The following MAGI2 variants were observed in gnomAD, a reference collection of about 807,000 sequenced individuals.
MAGI2 encodes membrane associated guanylate kinase, WW and PDZ domain containing 2.
A neutral mutation model predicts 133.3 loss-of-function variants in MAGI2; 35 were observed. That is an observed-to-expected ratio of 0.26 (90% CI 0.20 to 0.35). The LOEUF (loss-of-function observed/expected upper bound fraction) is 0.35. Among genes scored for constraint, MAGI2 ranks in the 10% least tolerant of loss-of-function variants. The pLI is 1.00. For missense variants in MAGI2, 1,636 were observed against 1,863.4 expected (o/e 0.88, Z 2.25); for synonymous variants, 729 against 710.6 (o/e 1.03, Z -0.41).
At chr7:78,275,649 G>A (rs988452235) in intron 9 of MAGI2, among the ~76,000 whole-genome samples, 1 of 152,134 alleles carries the variant, frequency 6.6e-6, no homozygotes, top group African/African-American at 2.4e-5. Context: ...GTACAATAAA[G>A]AAAACAATGA....
intron 1 of MAGI2, among the ~76,000 whole-genome samples, chr7:79,066,551 G>A (rs1480514566): frequency 6.6e-6 from 1 of 151,890 alleles, no homozygotes; most frequent in Non-Finnish European, 1.5e-5. Context: ...CCTTTGCTGT[G>A]CAGAAGCTCC....
At chr7:79,208,016 C>T (rs1402186639) in intron 1 of MAGI2, among the ~76,000 whole-genome samples, 2 of 151,946 alleles carry the variant, frequency 1.3e-5, no homozygotes, top group African/African-American at 4.8e-5. Flanking sequence ...CTTTCTCTCA[C>T]ACCATATACA....
intron 2 of MAGI2, among the ~76,000 whole-genome samples, chr7:78,904,423 T>C (rs1797844383): frequency 6.6e-6 from 1 of 152,168 alleles, no homozygotes; most frequent in Non-Finnish European, 1.5e-5. Flanking sequence ...AAACTCTGTG[T>C]CCTCTAATAC....
chr7:78,970,420 A>G (rs1389259777), intron 2 of MAGI2, among the ~76,000 whole-genome samples: 3 of 152,066 alleles, frequency 2.0e-5, no homozygotes, highest in Admixed American at 1.3e-4. Flanking sequence ...CAGAATCATA[A>G]AGTCATTCTT....
At chr7:78,423,215 G>A (rs1237005719) in intron 6 of MAGI2, among the ~76,000 whole-genome samples, 1 of 152,116 alleles carries the variant, frequency 6.6e-6, no homozygotes, top group African/African-American at 2.4e-5. Flanking sequence ...ATCTTCTCGT[G>A]ATAGCGAATG....
rs750183886 is a variant in MAGI2 at position 78,125,982 on chromosome 7, A to G, written c.3424-145T>C. 3.8e-4 allele frequency: 320 copies of G among 840,324 alleles called. 2 individuals carry two copies. Among genetic ancestry groups the G allele is most frequent in the Non-Finnish European group, 5.6e-4 (305 of 549,234 alleles). The allele number at this position is 840,324 out of a possible 1,614,324, so 52.1% of individuals were successfully genotyped here. A position where few individuals can be genotyped will look rare whatever the true frequency, so the allele number is the denominator to read the frequency against. On this transcript the variant is annotated intron_variant, in intron 19 of 21. Coordinates refer to ENST00000354212, the MANE Select transcript of MAGI2 (RefSeq NM_012301.4). ...GGGAGAAGTCGTAATCTGGCTTCATAAACTACCCAAATGAAAGACAAAATT... is the reference window on the plus strand; with the variant it reads ...GGGAGAAGTCGTAATCTGGCTTCATGAACTACCCAAATGAAAGACAAAATT...
intron 10 of MAGI2, among the ~76,000 whole-genome samples, chr7:78,247,284 T>C (rs956731954): frequency 1.9e-4 from 29 of 151,980 alleles, no homozygotes; most frequent in East Asian, 1.9e-4. Flanking sequence ...TGAGACATCA[T>C]CGCAAATGTT....
At chr7:79,428,153 A>G (rs1165995781) in intron 1 of MAGI2, among the ~76,000 whole-genome samples, 1 of 152,184 alleles carries the variant, frequency 6.6e-6, no homozygotes, top group Non-Finnish European at 1.5e-5. Context: ...ACATGTGGAA[A>G]TGTCCAGAGA....
chr7:79,164,240 A>G (rs932426627), intron 1 of MAGI2, among the ~76,000 whole-genome samples: 1 of 151,974 alleles, frequency 6.6e-6, no homozygotes, highest in Non-Finnish European at 1.5e-5. Context: ...ACAAACCATG[A>G]ATTCTCATCT....
chr7:78,200,604 T>TAC (rs1000759961), intron 11 of MAGI2, among the ~76,000 whole-genome samples: 7 of 152,082 alleles, frequency 4.6e-5, no homozygotes, highest in Non-Finnish European at 1.0e-4. Flanking sequence ...CATATATATA[T>TAC]ACACAAAGAC....
intron 1 of MAGI2, among the ~76,000 whole-genome samples, chr7:79,154,792 T>C (rs1294462367): frequency 6.6e-6 from 1 of 152,202 alleles, no homozygotes; most frequent in African/African-American, 2.4e-5. Context: ...TTTTCTAACA[T>C]GGTACCTGTC....
At chr7:79,210,860 G>T (rs757841871) in intron 1 of MAGI2, among the ~76,000 whole-genome samples, 1 of 151,852 alleles carries the variant, frequency 6.6e-6, no homozygotes, top group Non-Finnish European at 1.5e-5. Flanking sequence ...ATGTCTAATT[G>T]GCATCATCCA....
chr7:78,255,627 C>T (rs935754493), intron 10 of MAGI2: 16 of 542,572 alleles, frequency 2.9e-5, no homozygotes, highest in Admixed American at 1.1e-4. Context: ...TCTCCATGAC[C>T]GATACATGAA....
chr7:79,433,010 G>T (rs1390900649), intron 1 of MAGI2, among the ~76,000 whole-genome samples: 1 of 152,184 alleles, frequency 6.6e-6, no homozygotes, highest in Non-Finnish European at 1.5e-5. Context: ...AAATGGCAAA[G>T]AAACAGACCA....
At chr7:79,021,816 G>A (rs1192229213) in intron 1 of MAGI2, among the ~76,000 whole-genome samples, 2 of 149,016 alleles carry the variant, frequency 1.3e-5, no homozygotes, top group East Asian at 4.0e-4. Flanking sequence ...TTTGGGAGGG[G>A]CCAGGGTGGA....
At chr7:78,101,525 A>G (rs769811898) in intron 20 of MAGI2, among the ~76,000 whole-genome samples, 2 of 152,220 alleles carry the variant, frequency 1.3e-5, no homozygotes, top group African/African-American at 4.8e-5. Context: ...TTGGACCCTT[A>G]TCATACACCA....
At chr7:79,025,505 T>G (rs1809797947) in intron 1 of MAGI2, among the ~76,000 whole-genome samples, 1 of 151,060 alleles carries the variant, frequency 6.6e-6, no homozygotes, top group South Asian at 2.1e-4. Context: ...CTAAAATAAG[T>G]TTTTTTAAAA....
intron 16 of MAGI2, among the ~76,000 whole-genome samples, chr7:78,142,501 T>C (rs1451276313): frequency 2.0e-5 from 3 of 152,212 alleles, no homozygotes; most frequent in Admixed American, 6.5e-5. Context: ...CTGTTAAGTA[T>C]ACTCTTACTT....
chr7:78,724,585 G>A (rs1032622627), intron 2 of MAGI2, among the ~76,000 whole-genome samples: 2 of 152,104 alleles, frequency 1.3e-5, no homozygotes, highest in African/African-American at 4.8e-5. Flanking sequence ...CTCTATTCTG[G>A]CCCTTAGTTC....
Sources: allele counts gnomAD v4.1 joint callset (sites outside exome capture counted in the v4.1 genomes callset), GRCh38; gene constraint gnomAD v4.1.1; transcripts MANE v1.5; gene names NCBI Gene and HGNC (gene_info 2026-07-23, HGNC 2026-07-21).